The following TNK2 variants were observed in gnomAD, a reference collection of about 807,000 sequenced individuals.
The protein encoded by TNK2 is activated CDC42 kinase 1.
A neutral mutation model predicts 101.8 loss-of-function variants in TNK2; 83 were observed. The observed-to-expected ratio is 0.82, with a 90% CI of 0.68 to 0.98. The LOEUF (loss-of-function observed/expected upper bound fraction) is 0.98, where lower values mean the gene tolerates loss of function less well. Among genes scored for constraint, TNK2 ranks in the 50% least tolerant of loss-of-function variants. The pLI is 0.00. For missense variants in TNK2, 1,665 were observed against 1,483.2 expected, an observed-to-expected ratio of 1.12 and a Z score of -2.01; for synonymous variants, 804 against 633.0, an observed-to-expected ratio of 1.27 and a Z score of -4.06.
chr3:195,869,256 T>C (rs1743112645), intron 12 of TNK2: 12 of 600,442 alleles, frequency 2.0e-5, no homozygotes, highest in Non-Finnish European at 3.3e-5. Context: ...CTCAGACAGG[T>C]CTGGGAGGGA....
intron 9 of TNK2, chr3:195,876,506 G>A (rs1208476529): frequency 2.2e-6 from 1 of 456,774 alleles, no homozygotes; most frequent in South Asian, 1.5e-5. Context: ...AGATATTCAG[G>A]GACTGAAGAA....
chr3:195,896,898 G>C (rs1012014846), intron 1 of TNK2: 1 of 152,300 alleles, frequency 6.6e-6, no homozygotes, highest in East Asian at 1.9e-4. Flanking sequence ...AACTGCATGC[G>C]AAGTGACAAA....
At chr3:195,881,485 C>G (rs1181420086) in intron 6 of TNK2, among the ~76,000 whole-genome samples, 5 of 117,624 alleles carry the variant, frequency 4.3e-5, no homozygotes, top group African/African-American at 3.4e-5. Context: ...CCTCTAACAC[C>G]CCCCCCAGCA....
intron 12 of TNK2, chr3:195,869,120 C>G: frequency 2.1e-6 from 1 of 486,962 alleles, no homozygotes; most frequent in Non-Finnish European, 3.7e-6. Flanking sequence ...CCATCAGGGG[C>G]TATAAGGACT....
intron 9 of TNK2, among the ~76,000 whole-genome samples, chr3:195,874,045 C>T (rs1051843687): frequency 1.8e-4 from 27 of 152,200 alleles, no homozygotes; most frequent in Non-Finnish European, 3.8e-4. Context: ...CTCCCCAGCA[C>T]GCACACAGCC....
At chr3:195,883,103 C>T in intron 5 of TNK2, 54 bp downstream of exon 5, 1 of 1,588,774 alleles carries the variant, frequency 6.3e-7, no homozygotes, top group South Asian at 1.1e-5. Flanking sequence ...CCGAACCACA[C>T]ATATGGGACC....
Position 195,868,220 on chromosome 3 carries a change from C to T in TNK2, c.2078G>A (p.Arg693Gln), listed in dbSNP as rs199680214. The T allele has an allele frequency of 4.0e-4, 648 of 1,606,296 alleles. 3 individuals carry two copies. The highest frequency in any genetic ancestry group is 1.7e-3 in the African/African-American group (125 of 74,930). Residue 693 changes from arginine (R) to glutamine (Q), a missense_variant, in exon 13 of 16, where the codon CGG (arginine) becomes CAG (glutamine). Physicochemically the swap from Arg to Gln is conservative, Grantham distance 43. Transcript: ENST00000672887. ...TNYAFVPEQA[R>Q]PPPPLEDNLF... ...GTTGTCCTCCAGGGGAGGGGGCGGC[C>T]GCGCCTGCTCAGGCACAAAGGCGTA... is the stretch of plus-strand genomic sequence containing the variant.
At position 195,868,127 on chromosome 3, in the gene TNK2, G is replaced by A. The variant is rs543985364; in HGVS notation, c.2171C>T (p.Ala724Val). 5.3e-5 allele frequency: 86 copies of A among 1,611,638 alleles called. 1 individual carries two copies. Among genetic ancestry groups the A allele is most frequent in the South Asian group, 4.1e-4 (37 of 90,972 alleles). ...TTGCCTCATGCACTCCTGCTGTAGC[G>A]CCTGGAAGATCTCTGCGGTCTGTGC... Reference protein sequence around the residue: ...SSAQTAEIFQALQQECMRQLQ... With the variant: ...SSAQTAEIFQVLQQECMRQLQ... Residue 724 changes from alanine to valine, a missense_variant, in exon 13 of 16, where the codon GCG (alanine) becomes GTG (valine). Physicochemically the swap from Ala to Val is moderately conservative, Grantham distance 64 (BLOSUM62 0). Around this residue, in one of 3 missense-constraint regions of TNK2, gnomAD observed 1,136 missense variants for 894.9 expected, o/e 1.27. Transcript: ENST00000672887.
chr3:195,887,919 T>C (rs562998230), intron 2 of TNK2, among the ~76,000 whole-genome samples: 1 of 140,288 alleles, frequency 7.1e-6, no homozygotes, highest in Non-Finnish European at 1.5e-5. Flanking sequence ...CGTGCATGCG[T>C]GCGTGCACGT....
In TNK2 at chr3:195,888,635, A is replaced by T; in HGVS notation, c.-18-29T>A. On this transcript the variant is annotated intron_variant, in intron 1 of 15. Coordinates refer to ENST00000672887, the MANE Select transcript of TNK2 (RefSeq NM_001382273.1). The surrounding 1 kb of genome is among the most constrained non-coding windows in gnomAD (Gnocchi z 5.3). ...TGGGGGGAGGAGTGGCTCAGGGACA[A>T]GGGTTGTGGGGGGACAACAGGGGCC... 6.3e-7 allele frequency: 1 copy of T among 1,589,544 alleles called. No homozygotes were observed.
intron 6 of TNK2, 108 bp from the exon 7 acceptor site, chr3:195,879,283 C>A: frequency 6.6e-7 from 1 of 1,522,342 alleles, no homozygotes; most frequent in Non-Finnish European, 8.8e-7. Context: ...CCCCCTGTGC[C>A]AGGTTCAACA....
chr3:195,885,563 A>AT lies in TNK2; in HGVS notation c.235-531dup. 2 of 1,290,590 alleles carry AT rather than the reference A, an allele frequency of 1.5e-6. No individual in the cohort carries two copies. Among genetic ancestry groups the AT allele is most frequent in the South Asian group, 2.5e-5 (2 of 81,028 alleles). The allele number at this position is 1,290,590 out of a possible 1,614,324, so 79.9% of individuals were successfully genotyped here. A position where few individuals can be genotyped will look rare whatever the true frequency, so the allele number is the denominator to read the frequency against. ...TTCATCCTGCCCAGGGGAGAGGATAATTTTAGTCTGAGGTTGAACCGTGAG... is the reference window on the plus strand; with the variant it reads ...TTCATCCTGCCCAGGGGAGAGGATAATTTTTAGTCTGAGGTTGAACCGTGAG... On this transcript the variant is annotated intron_variant, in intron 3 of 15. Coordinates refer to ENST00000672887, the MANE Select transcript of TNK2 (RefSeq NM_001382273.1). The surrounding 1 kb of genome is among the most constrained non-coding windows in gnomAD (Gnocchi z 4.7).
Position 195,872,368 on chromosome 3 carries a change from G to A in TNK2, c.1359C>T (p.Asp453=), listed in dbSNP as rs766664708. 1.2e-6 allele frequency: 2 copies of A among 1,613,400 alleles called. No individual in the cohort carries two copies. Among genetic ancestry groups the A allele is most frequent in the South Asian group, 1.1e-5 (1 of 91,086 alleles). ...VTSVAGLSAQ[D]ISQPLQNSFI... is the part of the protein sequence containing the mutation. Reference sequence around the variant, plus strand: ...AGCTGTTCTGCAGGGGCTGGCTGATGTCCTGGGCCGACAGGCCGGCCACGG... The same window carrying A: ...AGCTGTTCTGCAGGGGCTGGCTGATATCCTGGGCCGACAGGCCGGCCACGG... The change falls in exon 10 of 16, where the codon GAC becomes GAT. Residue 453 remains aspartate, a synonymous_variant. Transcript: ENST00000672887.
intron 9 of TNK2, among the ~76,000 whole-genome samples, chr3:195,877,566 A>G (rs1750112643): frequency 1.3e-5 from 2 of 152,170 alleles, no homozygotes; most frequent in Admixed American, 1.3e-4. Context: ...CCCTGCCTCA[A>G]AGGTACCTGA....
At chr3:195,874,132 G>A (rs888326144) in intron 9 of TNK2, among the ~76,000 whole-genome samples, 2 of 152,218 alleles carry the variant, frequency 1.3e-5, no homozygotes, top group Non-Finnish European at 2.9e-5. Flanking sequence ...CGGGCTCCCC[G>A]GTGGCTGCCG....
In TNK2 at chr3:195,885,873, C is replaced by A; in HGVS notation, c.235-840G>T. 1 of 314,356 alleles carries A rather than the reference C, an allele frequency of 3.2e-6. No individual in the cohort carries two copies. The highest frequency in any genetic ancestry group is 2.6e-5 in the South Asian group (1 of 38,018). The allele number at this position is 314,356 out of a possible 1,614,324, so 19.5% of individuals were successfully genotyped here. A position where few individuals can be genotyped will look rare whatever the true frequency, so the allele number is the denominator to read the frequency against. On this transcript the variant is annotated intron_variant, in intron 3 of 15. Coordinates refer to ENST00000672887, the MANE Select transcript of TNK2 (RefSeq NM_001382273.1). The surrounding 1 kb of genome is among the most constrained non-coding windows in gnomAD (Gnocchi z 4.7). ...CAGCTTGGGTCTCACGCCCCCAGAG[C>A]TGGTGGATCCTTATCCGTCTGGGCT...
chr3:195,887,935 C>CACGT, intron 2 of TNK2, among the ~76,000 whole-genome samples: 1 of 132,566 alleles, frequency 7.5e-6, no homozygotes, highest in East Asian at 2.3e-4. Flanking sequence ...CACGTGTGTG[C>CACGT]GCATGTGCGT....
intron 9 of TNK2, among the ~76,000 whole-genome samples, chr3:195,875,923 G>A (rs537291216): frequency 1.3e-4 from 20 of 152,288 alleles, no homozygotes; most frequent in African/African-American, 4.3e-4. Flanking sequence ...CCACGTTCCC[G>A]TCCGGGCCGA....
At chr3:195,892,293 A>G in intron 1 of TNK2, 2 of 1,050,882 alleles carry the variant, frequency 1.9e-6, no homozygotes, top group East Asian at 2.8e-5. Flanking sequence ...CTCCCCGTCA[A>G]GCCCTCACTG....
Sources: gnomAD v4.1 joint callset for allele counts (sites outside exome capture counted in the v4.1 genomes callset) on GRCh38, gnomAD v4.1.1 for gene constraint, gnomAD v4.1.1 regional missense constraint, Gnocchi (gnomAD v3.1) non-coding constraint, MANE v1.5 for transcripts, NCBI Gene and HGNC (gene_info 2026-07-23, HGNC 2026-07-21) for gene names.